VNN2: variants seen among roughly 807,000 people sequenced by gnomAD.
The protein encoded by VNN2 is vanin 2.
VNN2 carries 43 observed loss-of-function variants against 43.0 expected under a neutral mutation model. That is an observed-to-expected ratio of 1.00 (90% CI 0.78 to 1.29). The LOEUF (loss-of-function observed/expected upper bound fraction) is 1.29. Ranked by LOEUF, VNN2 falls within the 50% of genes most tolerant of loss-of-function variation. The pLI, the probability that VNN2 is intolerant of heterozygous loss-of-function variation, is 0.00. For missense variants in VNN2, 652 were observed against 619.7 expected (o/e 1.05, Z -0.55); for synonymous variants, 230 against 224.3 (o/e 1.03, Z -0.23).
intron 6 of VNN2, 82 bp from the exon 7 acceptor site, chr6:132,744,573 G>C (rs1779611386): frequency 7.4e-7 from 1 of 1,345,726 alleles, no homozygotes; most frequent in Non-Finnish European, 1.0e-6. Context: ...AACCATCCTA[G>C]ATATAATGTA....
upstream of VNN2, among the ~76,000 whole-genome samples, chr6:132,761,548 T>G (rs149084961): frequency 0.049 from 7,461 of 152,102 alleles, 249 homozygotes; most frequent in Middle Eastern, 0.065. Context: ...TAATCCCAGC[T>G]ACTCAGGAGG....
chr6:132,760,298 G>T (rs527278823), upstream of VNN2, among the ~76,000 whole-genome samples: 2 of 151,866 alleles, frequency 1.3e-5, no homozygotes, highest in East Asian at 3.9e-4. Context: ...CCTCAGCCTC[G>T]CTAGTAGCTG....
chr6:132,748,211 G>T (rs1779837574), intron 6 of VNN2, among the ~76,000 whole-genome samples: 1 of 152,132 alleles, frequency 6.6e-6, no homozygotes, highest in African/African-American at 2.4e-5. Context: ...TGTCAGTCCA[G>T]CCACCTTTTA....
chr6:132,762,980 A>C (rs1393925518), intron 1 of VNN2, among the ~76,000 whole-genome samples: 1 of 152,194 alleles, frequency 6.6e-6, no homozygotes, highest in Non-Finnish European at 1.5e-5. Flanking sequence ...TATTAATCTC[A>C]TAGGTCCACC....
At chr6:132,758,472 T>C (rs35934863), upstream of VNN2, among the ~76,000 whole-genome samples, 1,929 of 152,324 alleles carry the variant, frequency 0.013, 31 homozygotes, top group African/African-American at 0.042. Context: ...AGATTTAATA[T>C]TGAATTTCCA....
At position 132,752,718 on chromosome 6, in the gene VNN2, A is replaced by T. The variant is rs761515858; in HGVS notation, c.569T>A (p.Val190Asp). ...YHLYSEPQFN[V>D]PEKPELVTFN... ...AGTCACCAACTCCGGCTTTTCAGGGACATTAAACTGAGGCTCAGAGTACAG... is the reference window on the plus strand; with the variant it reads ...AGTCACCAACTCCGGCTTTTCAGGGTCATTAAACTGAGGCTCAGAGTACAG... Residue 190 changes from valine to aspartate, a missense_variant, in exon 4 of 7, where the codon GTC becomes GAC. By Grantham distance (152) the Val-to-Asp change is radical. Coordinates refer to ENST00000326499, the MANE Select transcript of VNN2 (RefSeq NM_004665.6). The T allele has an allele frequency of 1.9e-6, 3 of 1,614,106 alleles. No homozygotes were observed. In the Admixed American group the frequency reaches 5.0e-5, roughly 27 times the overall value.
chr6:132,757,495 T>C lies in VNN2; in HGVS notation c.265A>G (p.Thr89Ala). 2 of 1,614,132 alleles carry C rather than the reference T, an allele frequency of 1.2e-6. No homozygotes were observed. The highest frequency in any genetic ancestry group is 1.1e-5 in the South Asian group (1 of 91,060). ...PEDALYGWKF[T>A]RETVFPYLED... ...AGATAAGGGAAAACAGTTTCCCTGG[T>C]AAATTTCCATCCATAAAGTGCATCT... Residue 89 changes from threonine to alanine, a missense_variant, in exon 2 of 7, where the codon ACC becomes GCC. Physicochemically the swap from Thr to Ala is moderately conservative, Grantham distance 58. Transcript: ENST00000326499.
chr6:132,749,049 G>T (rs559656814), intron 6 of VNN2, among the ~76,000 whole-genome samples: 5 of 152,120 alleles, frequency 3.3e-5, no homozygotes, highest in African/African-American at 4.8e-5. Flanking sequence ...ACAGTTCTAG[G>T]TATGTTCTTT....
chr6:132,749,866 C>G lies in VNN2; in HGVS notation c.1201-1G>C, dbSNP rs772328679. 6.2e-7 allele frequency: 1 copy of G among 1,610,240 alleles called. No homozygotes were observed. The highest frequency in any genetic ancestry group is 8.5e-7 in the Non-Finnish European group (1 of 1,178,410). On this transcript the variant is annotated splice_acceptor_variant, in intron 5 of 6. Transcript: ENST00000326499. LOFTEE classifies it high-confidence loss of function. ...TTTTGCACTTCAGCAGTGTGCAGAC[C>G]TATGTGGAACAAACGCAGATAAAAC... is the stretch of plus-strand genomic sequence containing the variant.
At chr6:132,758,030 CTTCTTCTTCTTT>C, upstream of VNN2, 6 of 72,036 alleles carry the variant, frequency 8.3e-5, no homozygotes, top group Admixed American at 4.4e-4. Flanking sequence ...TCTTCTTCTT[CTTCTTCTTCTTT>C]TTTTTTTTTT....
intron 6 of VNN2, among the ~76,000 whole-genome samples, chr6:132,748,839 G>A (rs910022811): frequency 6.6e-6 from 1 of 152,176 alleles, no homozygotes; most frequent in Non-Finnish European, 1.5e-5. Context: ...GCTGAGGCAG[G>A]AGGATTGCTT....
chr6:132,753,696 A>G, intron 3 of VNN2: 2 of 246,478 alleles, frequency 8.1e-6, no homozygotes, highest in South Asian at 8.2e-5. Context: ...TCATGCCTGT[A>G]ATCCAAGCAC....
In VNN2 at chr6:132,744,405, C is replaced by T. The variant is rs1779599912; in HGVS notation, c.1458G>A (p.Lys486=). The stretch of plus-strand genomic sequence containing the variant: ...TCCCACATGAGCTGTAAAGTGAGTC[C>T]TTTGTGTACCACCTCCCAAAGAGTG... The part of the protein sequence containing the change: ...TVSLFGRWYT[K]DSLYSSCGTS... Residue 486 remains lysine, a synonymous_variant, in exon 7 of 7, where the codon AAG becomes AAA. Coordinates refer to ENST00000326499, the MANE Select transcript of VNN2 (RefSeq NM_004665.6). 2 of 1,613,318 alleles carry T rather than the reference C, an allele frequency of 1.2e-6. No homozygotes were observed. Among genetic ancestry groups the T allele is most frequent in the Non-Finnish European group, 1.7e-6 (2 of 1,179,760 alleles).
rs34816656 is a variant in VNN2, at chr6:132,743,920, A to C, written c.*380T>G. ...AAGGGAATTCAGTCATAAACCTCTA[A>C]ATTCCCATCATTACTATTCTCTTCA... On this transcript the variant is annotated 3_prime_UTR_variant, in exon 7 of 7. Transcript: ENST00000326499. 388 of 156,230 alleles carry C rather than the reference A, an allele frequency of 2.5e-3. 9 individuals are homozygous for C. In the East Asian group the frequency reaches 0.032, roughly 13 times the overall value. 9.7% of individuals were successfully genotyped at this position (156,230 alleles called of 1,614,324 possible).
chr6:132,744,265 C>A lies in VNN2; in HGVS notation c.*35G>T. 1 of 1,566,112 alleles carries A rather than the reference C, an allele frequency of 6.4e-7. No individual in the cohort carries two copies. ...AAGCCGATAAACACATTCAGCCAAG[C>A]ATATGATGCAGAAGCTGAGTGATAA... On this transcript the variant is annotated 3_prime_UTR_variant, in exon 7 of 7. Coordinates refer to ENST00000326499, the MANE Select transcript of VNN2 (RefSeq NM_004665.6).
At chr6:132,761,754 T>C (rs1432463002), upstream of VNN2, among the ~76,000 whole-genome samples, 1 of 152,198 alleles carries the variant, frequency 6.6e-6, no homozygotes, top group Non-Finnish European at 1.5e-5. Context: ...TAATGTTCAA[T>C]TGGACTAGGT....
At chr6:132,754,841 A>T (rs1780355670) in intron 3 of VNN2, among the ~76,000 whole-genome samples, 1 of 152,198 alleles carries the variant, frequency 6.6e-6, no homozygotes. Flanking sequence ...TGATTCATAC[A>T]ATTTTGAAAC....
intron 4 of VNN2, 23 bp downstream of exon 4, chr6:132,752,438 A>G: frequency 6.3e-7 from 1 of 1,597,944 alleles, no homozygotes; most frequent in Middle Eastern, 1.7e-4. Context: ...TATAAGATGA[A>G]ACCTAACCTG....
At position 132,757,783 on chromosome 6, in the gene VNN2, G is replaced by A. The variant is rs775545409; in HGVS notation, c.101C>T (p.Ala34Val). The A allele has an allele frequency of 6.3e-5, 101 of 1,614,092 alleles. No individual in the cohort carries two copies. The Admixed American group carries it at 1.3e-3, about 21-fold the overall frequency. ...DSFIAAVYEH[A>V]VILPNKTETP... Reference sequence around the variant, plus strand: ...TTCTGTTTTATTTGGCAAAATGACAGCATGTTCATACACTGCAGCTATAAA... The same window carrying A: ...TTCTGTTTTATTTGGCAAAATGACAACATGTTCATACACTGCAGCTATAAA... Residue 34 changes from alanine (A) to valine (V), a missense_variant, in exon 1 of 7, where the codon GCT (alanine) becomes GTT (valine). Physicochemically the swap from Ala to Val is moderately conservative, Grantham distance 64. Coordinates refer to ENST00000326499, the MANE Select transcript of VNN2 (RefSeq NM_004665.6).
Sources: allele counts gnomAD v4.1 joint callset (sites outside exome capture counted in the v4.1 genomes callset), GRCh38; gene constraint gnomAD v4.1.1; transcripts MANE v1.5; gene names NCBI Gene and HGNC (gene_info 2026-07-23, HGNC 2026-07-21).